EXPH5: variants seen among roughly 807,000 people sequenced by gnomAD.
EXPH5 encodes exophilin-5.
EXPH5 carries 42 observed loss-of-function variants against 41.1 expected under a neutral mutation model. The ratio of observed to expected loss-of-function variants is 1.02; its 90% confidence interval spans 0.80 to 1.32. The LOEUF (loss-of-function observed/expected upper bound fraction) is 1.32, where lower values mean the gene tolerates loss of function less well. Ranked by LOEUF, EXPH5 falls within the 40% of genes most tolerant of loss-of-function variation. EXPH5 has a pLI of 0.00. For missense variants in EXPH5, 2,298 were observed against 2,314.5 expected, an observed-to-expected ratio of 0.99 and a Z score of 0.15; for synonymous variants, 798 against 833.5, an observed-to-expected ratio of 0.96 and a Z score of 0.73.
chr11:108,552,970 T>A (rs957070330), intron 1 of EXPH5, among the ~76,000 whole-genome samples: 1 of 151,868 alleles, frequency 6.6e-6, no homozygotes, highest in African/African-American at 2.4e-5. Flanking sequence ...CCGAGGTGGG[T>A]GGATTACTTG....
the EXPH5 span, among the ~76,000 whole-genome samples, chr11:108,600,918 A>C: frequency 0.75 from 114,267 of 152,148 alleles, 44,998 homozygotes; most frequent in Non-Finnish European, 0.87. Context: ...CAGGATAATG[A>C]CACATAAGTT....
chr11:108,522,597 T>G (rs566527707), intron 4 of EXPH5, among the ~76,000 whole-genome samples: 10 of 152,294 alleles, frequency 6.6e-5, no homozygotes, highest in Admixed American at 5.9e-4. Flanking sequence ...TATTAGTGCA[T>G]TAAATCCTTG....
chr11:108,533,524 A>G (rs1565802021), intron 3 of EXPH5, among the ~76,000 whole-genome samples: 2 of 152,202 alleles, frequency 1.3e-5, no homozygotes, highest in East Asian at 3.9e-4. Context: ...TCTTGCACAA[A>G]TCTGCCCCTT....
intron 5 of EXPH5, among the ~76,000 whole-genome samples, chr11:108,516,398 A>T (rs1254509940): frequency 6.6e-6 from 1 of 152,192 alleles, no homozygotes; most frequent in Admixed American, 6.5e-5. Context: ...AATTGTATCC[A>T]TTTAATTGTA....
At chr11:108,571,023 G>A (rs541804537) in intron 1 of EXPH5, among the ~76,000 whole-genome samples, 1 of 152,306 alleles carries the variant, frequency 6.6e-6, no homozygotes, top group East Asian at 1.9e-4. Flanking sequence ...CCAGGACAAG[G>A]TGTTATAAGC....
At position 108,532,358 on chromosome 11, in the gene EXPH5, ATATATATATTTTTTTTTTTT is replaced by A. The variant is rs1185340056; in HGVS notation, c.444-4194_444-4175del. Among the ~76,000 whole-genome samples the A allele has an allele frequency of 1.5e-3, 28 of 19,012 alleles. 1 individual carries two copies. The highest frequency in any genetic ancestry group is 0.011 in the African/African-American group (26 of 2,364). The allele number at this position is 19,012 out of a possible 152,430, so 12.5% of individuals were successfully genotyped here. On this transcript the variant is annotated intron_variant, in intron 3 of 5. Coordinates refer to ENST00000265843, the MANE Select transcript of EXPH5 (RefSeq NM_015065.3). Reference sequence around the variant, plus strand: ...ACACTGGATATATATATATATATATATATATATATTTTTTTTTTTTTTTTTTTTTTTTTTTTTGTAGAGAT... The same window carrying A: ...ACACTGGATATATATATATATATATATTTTTTTTTTTTTTTTTGTAGAGAT...
rs982662700 is a variant in EXPH5, at chr11:108,506,914, C to G, written c.*2623G>C. 3 of 152,126 alleles carry G rather than the reference C, an allele frequency of 2.0e-5. No individual in the cohort carries two copies. The highest frequency in any genetic ancestry group is 4.4e-5 in the Non-Finnish European group (3 of 68,084). 9.4% of individuals were successfully genotyped at this position (152,126 alleles called of 1,614,324 possible). A position where few individuals can be genotyped will look rare whatever the true frequency, so the allele number is the denominator to read the frequency against. ...GCTGAGGCAGGAGAATCGCTTGAACCTGGGAGGCGGAGGTTGCAGTGAGCC... is the reference window on the plus strand; with the variant it reads ...GCTGAGGCAGGAGAATCGCTTGAACGTGGGAGGCGGAGGTTGCAGTGAGCC... On this transcript the variant is annotated 3_prime_UTR_variant, in exon 6 of 6. Coordinates refer to ENST00000265843, the MANE Select transcript of EXPH5 (RefSeq NM_015065.3).
Position 108,510,425 on chromosome 11 carries a change from G to A in EXPH5, c.5082C>T (p.Ser1694=). 1.2e-6 allele frequency: 2 copies of A among 1,614,016 alleles called. No individual in the cohort carries two copies. Residue 1694 remains serine, a synonymous_variant, in exon 6 of 6, where the codon AGC becomes AGT. Transcript: ENST00000265843. Reference sequence around the variant, plus strand: ...ACTCATTCTGATGTCGTTGTGAAATGCTGTTAGACTTCTGGTTGCTGACGT... The same window carrying A: ...ACTCATTCTGATGTCGTTGTGAAATACTGTTAGACTTCTGGTTGCTGACGT... ...STHVSNQKSN[S]ISQRHQNEFK... is the part of the protein sequence containing the mutation.
intron 1 of EXPH5, 97 bp downstream of exon 1, chr11:108,593,321 C>G (rs2094132774): frequency 9.3e-7 from 1 of 1,072,612 alleles, no homozygotes; most frequent in Non-Finnish European, 1.4e-6. Flanking sequence ...GGAGCACCCC[C>G]GGGCAGGTGC....
intron 1 of EXPH5, 82 bp downstream of exon 1, chr11:108,593,336 C>T (rs895173134): frequency 1.3e-4 from 165 of 1,275,236 alleles, no homozygotes; most frequent in Non-Finnish European, 1.8e-4. Flanking sequence ...AGGTGCCCCG[C>T]GCGAGCTCAG....
chr11:108,544,409 C>T (rs575970372), intron 1 of EXPH5, among the ~76,000 whole-genome samples: 1 of 152,272 alleles, frequency 6.6e-6, no homozygotes, highest in South Asian at 2.1e-4. Context: ...CTCAAGCGAT[C>T]CTCCCACTTC....
Position 108,518,352 on chromosome 11 carries a change from G to A in EXPH5, c.514C>T (p.Pro172Ser), listed in dbSNP as rs1565786799. The A allele has an allele frequency of 3.7e-6, 6 of 1,613,826 alleles. No individual in the cohort carries two copies. Among genetic ancestry groups the A allele is most frequent in the Non-Finnish European group, 4.2e-6 (5 of 1,179,910 alleles). ...AAVQAKIYNS[P>S]LENHLVDSTF... ...CTGTCAACTAGATGATTTTCCAGAG[G>A]TGAATTGTATATTTTTGCCTGCTAA... The change falls in exon 5 of 6, where the codon CCT (proline) becomes TCT (serine). Residue 172 changes from proline to serine, a missense_variant. Physicochemically the swap from Pro to Ser is moderately conservative, Grantham distance 74 (BLOSUM62 -1). Transcript: ENST00000265843.
rs573100309 is a variant in EXPH5 at position 108,547,249 on chromosome 11, A to T, written c.120-5437T>A. 7.7e-4 allele frequency among the ~76,000 whole-genome samples: 117 copies of T among 151,968 alleles called. 1 individual carries two copies. The highest frequency in any genetic ancestry group is 1.2e-3 in the Non-Finnish European group (80 of 67,962). ...CACTCTGTTTTCCAGGCTGGAGTGC[A>T]GTGGTGCTATCATAGCTCACTGCAG... On this transcript the variant is annotated intron_variant, in intron 1 of 5. Coordinates refer to ENST00000265843, the MANE Select transcript of EXPH5 (RefSeq NM_015065.3).
At chr11:108,570,761 G>A (rs2094056697) in intron 1 of EXPH5, among the ~76,000 whole-genome samples, 1 of 152,130 alleles carries the variant, frequency 6.6e-6, no homozygotes, top group South Asian at 2.1e-4. Flanking sequence ...GTTCAGGCTG[G>A]TCTTGAACTC....
At chr11:108,606,091 C>T in the EXPH5 span, among the ~76,000 whole-genome samples, 6 of 152,118 alleles carry the variant, frequency 3.9e-5, no homozygotes, top group Admixed American at 6.6e-5. Context: ...TGCAGTGGCA[C>T]GATCATAGCT....
chr11:108,564,243 G>A (rs921629114), intron 1 of EXPH5, among the ~76,000 whole-genome samples: 5 of 152,012 alleles, frequency 3.3e-5, no homozygotes, highest in Non-Finnish European at 5.9e-5. Flanking sequence ...AGCTGAGATC[G>A]CACCACTACA....
intron 1 of EXPH5, among the ~76,000 whole-genome samples, chr11:108,568,437 A>C (rs777586307): frequency 4.6e-5 from 7 of 152,044 alleles, no homozygotes; most frequent in African/African-American, 7.2e-5. Flanking sequence ...GTCCTTCACC[A>C]GGCCATCTGG....
chr11:108,531,915 A>G (rs1286027192), intron 3 of EXPH5, among the ~76,000 whole-genome samples: 1 of 152,164 alleles, frequency 6.6e-6, no homozygotes, highest in African/African-American at 2.4e-5. Context: ...CATTTACCCT[A>G]GTTAAGACAT....
At chr11:108,585,150 A>T (rs987316539) in intron 1 of EXPH5, among the ~76,000 whole-genome samples, 8 of 152,232 alleles carry the variant, frequency 5.3e-5, no homozygotes, top group Non-Finnish European at 1.5e-5. Context: ...ACATAAAAAG[A>T]TGTTTACCAT....
Sources: gnomAD v4.1 joint callset for allele counts (sites outside exome capture counted in the v4.1 genomes callset) on GRCh38, gnomAD v4.1.1 for gene constraint, MANE v1.5 for transcripts, NCBI Gene and HGNC (gene_info 2026-07-23, HGNC 2026-07-21) for gene names.